Variants in AFF4 observed in about 807,000 individuals in gnomAD.
The protein encoded by AFF4 is AF4/FMR2 family member 4.
AFF4 carries 13 observed loss-of-function variants against 124.8 expected under a neutral mutation model. That is an observed-to-expected ratio of 0.10 (90% CI 0.07 to 0.17). AFF4 has a LOEUF of 0.17. Among genes scored for constraint, AFF4 ranks in the 10% least tolerant of loss-of-function variants. The pLI is 1.00. For missense variants in AFF4, 1,092 were observed against 1,403.8 expected, an observed-to-expected ratio of 0.78 and a Z score of 3.55; for synonymous variants, 477 against 496.1, an observed-to-expected ratio of 0.96 and a Z score of 0.51.
chr5:132,877,072 T>C lies in AFF4; in HGVS notation c.*3987A>G. Reference sequence around the variant, plus strand: ...AATTTATGTTCCATGTATTAGGGGATATACAGGTATGATAGGTGTCTATAT... The same window carrying C: ...AATTTATGTTCCATGTATTAGGGGACATACAGGTATGATAGGTGTCTATAT... On this transcript the variant is annotated 3_prime_UTR_variant, in exon 21 of 21. Transcript: ENST00000265343. 4.9e-6 allele frequency: 1 copy of C among 203,230 alleles called. No homozygotes were observed. Among genetic ancestry groups the C allele is most frequent in the Non-Finnish European group, 1.0e-5 (1 of 98,592 alleles). 12.6% of individuals were successfully genotyped at this position (203,230 alleles called of 1,614,324 possible).
At chr5:132,922,963 T>G (rs1428899968) in intron 5 of AFF4, among the ~76,000 whole-genome samples, 3 of 151,214 alleles carry the variant, frequency 2.0e-5, no homozygotes, top group African/African-American at 7.3e-5. Context: ...GATTAGGAGG[T>G]AAGGAGATTG....
intron 5 of AFF4, among the ~76,000 whole-genome samples, chr5:132,920,504 G>A (rs1246006156): frequency 6.6e-6 from 1 of 151,686 alleles, no homozygotes; most frequent in African/African-American, 2.4e-5. Flanking sequence ...TATAGGTCAT[G>A]CCACCACGCC....
chr5:132,877,726 C>T lies in AFF4; in HGVS notation c.*3333G>A. ...ATTTATAACAAGTGCCTTTTGTAGGCTCTTGCTTCAGAATGCAAGCTCATT... is the reference window on the plus strand; with the variant it reads ...ATTTATAACAAGTGCCTTTTGTAGGTTCTTGCTTCAGAATGCAAGCTCATT... On this transcript the variant is annotated 3_prime_UTR_variant, in exon 21 of 21. Transcript: ENST00000265343. 4.7e-6 allele frequency: 1 copy of T among 212,004 alleles called. No individual in the cohort carries two copies. 13.1% of individuals were successfully genotyped at this position (212,004 alleles called of 1,614,324 possible).
At chr5:132,916,098 T>C (rs79586717) in intron 5 of AFF4, among the ~76,000 whole-genome samples, 17,498 of 151,324 alleles carry the variant, frequency 0.12, 1,277 homozygotes, top group South Asian at 0.2. Context: ...ATTATCTGGG[T>C]GTGGTGGCGG....
Position 132,908,495 on chromosome 5 carries a change from G to C in AFF4, c.1051-4091C>G, listed in dbSNP as rs1440321367. On this transcript the variant is annotated intron_variant, in intron 5 of 20. Coordinates refer to ENST00000265343, the MANE Select transcript of AFF4 (RefSeq NM_014423.4). ...AAAGAATTCTATTGAAGTTGAATTAGATTTCCATGTTCCTTGTTGTAAATC... is the reference window on the plus strand; with the variant it reads ...AAAGAATTCTATTGAAGTTGAATTACATTTCCATGTTCCTTGTTGTAAATC... 2.0e-5 allele frequency among the ~76,000 whole-genome samples: 3 copies of C among 151,866 alleles called. No homozygotes were observed. In the East Asian group the frequency reaches 5.8e-4, roughly 29 times the overall value.
intron 1 of AFF4, among the ~76,000 whole-genome samples, chr5:132,957,570 T>A (rs1434621083): frequency 6.6e-6 from 1 of 151,524 alleles, no homozygotes; most frequent in African/African-American, 2.4e-5. Flanking sequence ...CTGTCTCTAC[T>A]AAAAATACAA....
At chr5:132,960,932 C>T (rs1477281708) in intron 1 of AFF4, among the ~76,000 whole-genome samples, 1 of 152,028 alleles carries the variant, frequency 6.6e-6, no homozygotes, top group Non-Finnish European at 1.5e-5. Context: ...TTTGAGACAT[C>T]GCCTAGGTTG....
chr5:132,878,147 A>G lies in AFF4; in HGVS notation c.*2912T>C, dbSNP rs1325143748. Reference sequence around the variant, plus strand: ...GGAATGGGCTGGATGCTCTCTAGCCAGACTGGAGCCTGGGCTGAGCTGTGG... The same window carrying G: ...GGAATGGGCTGGATGCTCTCTAGCCGGACTGGAGCCTGGGCTGAGCTGTGG... On this transcript the variant is annotated 3_prime_UTR_variant, in exon 21 of 21. Transcript: ENST00000265343. The G allele has an allele frequency of 4.4e-6, 1 of 228,062 alleles. No homozygotes were observed. Among genetic ancestry groups the G allele is most frequent in the Non-Finnish European group, 8.7e-6 (1 of 114,808 alleles). The allele number at this position is 228,062 out of a possible 1,614,324, so 14.1% of individuals were successfully genotyped here.
chr5:132,934,649 C>A lies in AFF4; in HGVS notation c.416G>T (p.Gly139Val), dbSNP rs781340694. Residue 139 changes from glycine to valine, a missense_variant, in exon 3 of 21, where the codon GGT (glycine) becomes GTT (valine). Physicochemically the swap from Gly to Val is moderately radical, Grantham distance 109 (BLOSUM62 -3). Transcript: ENST00000265343. ...ACTACTGTTAGTGCCACTACTGCTACCTGCGCTGGTCCGCTGGCTACTATG... is the reference window on the plus strand; with the variant it reads ...ACTACTGTTAGTGCCACTACTGCTAACTGCGCTGGTCCGCTGGCTACTATG... Reference protein sequence around the residue: ...SGHSSQRTSAGSSSGTNSSGQ... With the variant: ...SGHSSQRTSAVSSSGTNSSGQ... 1 of 1,614,114 alleles carries A rather than the reference C, an allele frequency of 6.2e-7. No homozygotes were observed. Among genetic ancestry groups the A allele is most frequent in the Admixed American group, 1.7e-5 (1 of 60,006 alleles).
chr5:132,890,458 C>T (rs1469868588), intron 13 of AFF4, among the ~76,000 whole-genome samples: 2 of 151,966 alleles, frequency 1.3e-5, no homozygotes, highest in Non-Finnish European at 2.9e-5. Flanking sequence ...TAAATAGACC[C>T]ATAAGGACCT....
At position 132,880,851 on chromosome 5, in the gene AFF4, A is replaced by C; in HGVS notation, c.*208T>G. 3 of 460,090 alleles carry C rather than the reference A, an allele frequency of 6.5e-6. No homozygotes were observed. Among genetic ancestry groups the C allele is most frequent in the Non-Finnish European group, 1.1e-5 (3 of 274,478 alleles). 28.5% of individuals were successfully genotyped at this position (460,090 alleles called of 1,614,324 possible). A position where few individuals can be genotyped will look rare whatever the true frequency, so the allele number is the denominator to read the frequency against. ...CTTATCAATGTGCTGCAGATTTAAA[A>C]GCATTTAAATAATCTTTCACATTGG... is the stretch of plus-strand genomic sequence containing the variant. On this transcript the variant is annotated 3_prime_UTR_variant, in exon 21 of 21. Transcript: ENST00000265343.
chr5:132,916,645 CT>C (rs1184594304), intron 5 of AFF4, among the ~76,000 whole-genome samples: 1 of 152,122 alleles, frequency 6.6e-6, no homozygotes, highest in Non-Finnish European at 1.5e-5. Context: ...CCTCTCATCT[CT>C]TCGTTTGGAG....
intron 4 of AFF4, among the ~76,000 whole-genome samples, chr5:132,928,088 A>G (rs1761218634): frequency 6.6e-6 from 1 of 152,090 alleles, no homozygotes; most frequent in Admixed American, 6.5e-5. Context: ...AATTTATCCC[A>G]TAGCAATATC....
At chr5:132,950,211 C>T (rs1170717148) in intron 1 of AFF4, among the ~76,000 whole-genome samples, 1 of 152,200 alleles carries the variant, frequency 6.6e-6, no homozygotes, top group African/African-American at 2.4e-5. Flanking sequence ...CGCGATGGCT[C>T]ACGCCTGTAA....
intron 4 of AFF4, among the ~76,000 whole-genome samples, chr5:132,930,659 T>A (rs58237345): frequency 0.11 from 16,679 of 150,484 alleles, 1,187 homozygotes; most frequent in South Asian, 0.19. Flanking sequence ...CAAAAAAAAA[T>A]AAAAAAGAAA....
chr5:132,955,561 G>C (rs546518889), intron 1 of AFF4, among the ~76,000 whole-genome samples: 2 of 152,028 alleles, frequency 1.3e-5, no homozygotes, highest in South Asian at 4.1e-4. Flanking sequence ...GGCAGATCAC[G>C]AGGTCAGGAG....
intron 5 of AFF4, among the ~76,000 whole-genome samples, chr5:132,905,627 G>A (rs773921949): frequency 2.0e-4 from 30 of 151,784 alleles, no homozygotes; most frequent in Admixed American, 2.6e-4. Flanking sequence ...AATAAAGCTG[G>A]GCCTTTATAT....
At chr5:132,959,764 T>TC (rs1212099148) in intron 1 of AFF4, among the ~76,000 whole-genome samples, 4 of 136,270 alleles carry the variant, frequency 2.9e-5, no homozygotes, top group South Asian at 2.4e-4. Context: ...TTTCTTTTTT[T>TC]TTTTTTTTTT....
In AFF4 at chr5:132,883,351, T is replaced by G; in HGVS notation, c.3353A>C (p.Lys1118Thr). Reference protein sequence around the residue: ...EIWDQAEQLSKEQKEFFAELD... With the variant: ...EIWDQAEQLSTEQKEFFAELD... Reference sequence around the variant, plus strand: ...AGAAACCTACCTACCTTTTTGCTCTTTGGAAAGCTGTTCAGCTTGGTCCCA... The same window carrying G: ...AGAAACCTACCTACCTTTTTGCTCTGTGGAAAGCTGTTCAGCTTGGTCCCA... The change falls in exon 20 of 21, where the codon AAA becomes ACA. Residue 1118 changes from lysine (K) to threonine (T), a missense_variant. Lys to Thr is a moderately conservative substitution (Grantham distance 78). Transcript: ENST00000265343. 1 of 1,614,008 alleles carries G rather than the reference T, an allele frequency of 6.2e-7. No homozygotes were observed. Among genetic ancestry groups the G allele is most frequent in the Non-Finnish European group, 8.5e-7 (1 of 1,180,002 alleles).
Sources: allele counts gnomAD v4.1 joint callset (sites outside exome capture counted in the v4.1 genomes callset), GRCh38; gene constraint gnomAD v4.1.1; transcripts MANE v1.5; gene names NCBI Gene and HGNC (gene_info 2026-07-23, HGNC 2026-07-21).